Variants in ZNF536 observed in about 807,000 individuals in gnomAD.
The protein encoded by ZNF536 is zinc finger protein 536.
In ZNF536, 13 loss-of-function variants were observed where a neutral mutation model predicts 84.5. The ratio of observed to expected loss-of-function variants is 0.15; its 90% CI spans 0.10 to 0.24. The LOEUF (loss-of-function observed/expected upper bound fraction) is 0.24, where lower values mean the gene tolerates loss of function less well. Among genes scored for constraint, ZNF536 ranks in the 10% least tolerant of loss-of-function variants. The pLI, the probability that ZNF536 is intolerant of heterozygous loss-of-function variation, is 1.00. For missense variants in ZNF536, 1,536 were observed against 1,747.5 expected, an observed-to-expected ratio of 0.88 and a Z score of 2.16; for synonymous variants, 811 against 742.5, an observed-to-expected ratio of 1.09 and a Z score of -1.50.
chr19:30,356,748 G>A (rs1363762281), intron 3 of ZNF536, among the ~76,000 whole-genome samples: 6 of 152,288 alleles, frequency 3.9e-5, no homozygotes, highest in East Asian at 3.9e-4. Context: ...GCTCATTCTC[G>A]CATGTGCATT....
chr19:30,260,718 T>C (rs562902679), intron 1 of ZNF536, among the ~76,000 whole-genome samples: 15 of 152,316 alleles, frequency 9.8e-5, no homozygotes, highest in Non-Finnish European at 2.1e-4. Flanking sequence ...GCACCAGCCA[T>C]GGCCACCATA....
intron 2 of ZNF536, among the ~76,000 whole-genome samples, chr19:30,524,418 C>T (rs1224475621): frequency 5.3e-5 from 8 of 152,162 alleles, no homozygotes; most frequent in African/African-American, 1.9e-4. Flanking sequence ...CACAGGCCAG[C>T]GTTCATCAGG....
chr19:30,595,453 A>C (rs2047430056), intron 1 of ZNF536, among the ~76,000 whole-genome samples: 1 of 151,812 alleles, frequency 6.6e-6, no homozygotes, highest in Non-Finnish European at 1.5e-5. Flanking sequence ...ATGCCTGGCT[A>C]TTTTTTAATT....
intron 1 of ZNF536, among the ~76,000 whole-genome samples, chr19:30,434,525 G>A (rs984478205): frequency 2.0e-5 from 3 of 152,238 alleles, no homozygotes; most frequent in Non-Finnish European, 4.4e-5. Context: ...CCACTGGCAT[G>A]TCTTCATGAC....
chr19:30,593,814 G>A (rs1445285859), intron 1 of ZNF536, among the ~76,000 whole-genome samples: 2 of 152,340 alleles, frequency 1.3e-5, no homozygotes, highest in East Asian at 1.9e-4. Context: ...TGAGAGCTGG[G>A]GTCTGCCAGC....
chr19:30,467,932 G>T (rs1005216777), intron 2 of ZNF536, among the ~76,000 whole-genome samples: 1 of 152,220 alleles, frequency 6.6e-6, no homozygotes, highest in Non-Finnish European at 1.5e-5. Flanking sequence ...AGCCCTGGCC[G>T]CACAGCGGCC....
chr19:30,320,224 CTG>C (rs2046809727), intron 2 of ZNF536, among the ~76,000 whole-genome samples: 1 of 152,152 alleles, frequency 6.6e-6, no homozygotes, highest in Non-Finnish European at 1.5e-5. Context: ...TTCCCAATAA[CTG>C]TCAATATTTT....
intron 2 of ZNF536, among the ~76,000 whole-genome samples, chr19:30,473,218 G>GTAATAATAA (rs71333458): frequency 6.6e-6 from 1 of 150,634 alleles, no homozygotes; most frequent in Non-Finnish European, 1.5e-5. Flanking sequence ...AATAATAATA[G>GTAATAATAA]TAATAATAAT....
At chr19:30,292,626 G>T (rs926323125) in intron 2 of ZNF536, among the ~76,000 whole-genome samples, 2 of 152,132 alleles carry the variant, frequency 1.3e-5, no homozygotes, top group Non-Finnish European at 2.9e-5. Flanking sequence ...GCCTCTAGGG[G>T]ACTTCTTTGG....
In ZNF536 at chr19:30,700,018, A is replaced by G. The variant is rs990847655; in HGVS notation, c.170-10739A>G. Among the ~76,000 whole-genome samples, 13 of 144,924 alleles carry G rather than the reference A, an allele frequency of 9.0e-5. No individual in the cohort carries two copies. In the South Asian group the frequency reaches 1.1e-3, roughly 13 times the overall value. ...TCTTTTTTCTCTTTCTTTCTTTCTT[A>G]CTTTCTTTCTTTATTCCTTTCTTTC... On this transcript the variant is annotated intron_variant, in intron 1 of 1. Transcript: ENST00000592773.
At chr19:30,657,881 T>G (rs1456244125) in intron 1 of ZNF536, among the ~76,000 whole-genome samples, 1 of 152,160 alleles carries the variant, frequency 6.6e-6, no homozygotes, top group African/African-American at 2.4e-5. Flanking sequence ...ATGGGTGTCA[T>G]CTCTTACCTG....
chr19:30,681,446 T>C (rs1437705947), intron 1 of ZNF536, among the ~76,000 whole-genome samples: 1 of 150,768 alleles, frequency 6.6e-6, no homozygotes, highest in African/African-American at 2.4e-5. Context: ...TGGCGGGGAG[T>C]GGGGTAGGAA....
chr19:30,470,340 C>T (rs1293006637), intron 2 of ZNF536, among the ~76,000 whole-genome samples: 1 of 152,152 alleles, frequency 6.6e-6, no homozygotes, highest in African/African-American at 2.4e-5. Context: ...CACTGTGGTA[C>T]TAATATCACA....
intron 1 of ZNF536, among the ~76,000 whole-genome samples, chr19:30,564,402 G>T (rs908416677): frequency 1.3e-5 from 2 of 152,068 alleles, no homozygotes; most frequent in African/African-American, 4.8e-5. Context: ...AAGAGTGGAA[G>T]AAATGGGTAA....
At chr19:30,512,092 A>C (rs1044564962) in intron 2 of ZNF536, among the ~76,000 whole-genome samples, 2 of 152,250 alleles carry the variant, frequency 1.3e-5, no homozygotes, top group Non-Finnish European at 2.9e-5. Flanking sequence ...TAAACTTAAA[A>C]TGATGAAAAG....
chr19:30,255,238 T>TA (rs2024849565), intron 1 of ZNF536, among the ~76,000 whole-genome samples: 1 of 152,170 alleles, frequency 6.6e-6, no homozygotes, highest in South Asian at 2.1e-4. Flanking sequence ...GGTTTACTCT[T>TA]ACTAATTCGG....
chr19:30,368,096 C>T (rs2146979392), upstream of ZNF536, among the ~76,000 whole-genome samples: 1 of 152,276 alleles, frequency 6.6e-6, no homozygotes. Flanking sequence ...CTACTCCTGT[C>T]CCTCCTGGGT....
chr19:30,403,601 A>T (rs919043801), intron 1 of ZNF536, among the ~76,000 whole-genome samples: 1 of 152,184 alleles, frequency 6.6e-6, no homozygotes, highest in African/African-American at 2.4e-5. Context: ...AACTAAAGTG[A>T]GCTGCTATCC....
chr19:30,383,019 G>T (rs894659983), intron 1 of ZNF536, among the ~76,000 whole-genome samples: 6 of 152,134 alleles, frequency 3.9e-5, no homozygotes, highest in Non-Finnish European at 8.8e-5. Context: ...GGCAGGTGTG[G>T]TGGTCCACGC....
Sources: allele counts gnomAD v4.1 joint callset (sites outside exome capture counted in the v4.1 genomes callset), GRCh38; gene constraint gnomAD v4.1.1; transcripts MANE v1.5; gene names NCBI Gene and HGNC (gene_info 2026-07-23, HGNC 2026-07-21).